KLRG2: variants seen among roughly 807,000 people sequenced by gnomAD.
The protein encoded by KLRG2 is killer cell lectin like receptor G2.
KLRG2 carries 39 observed loss-of-function variants against 35.4 expected under a neutral mutation model. That is an observed-to-expected ratio of 1.10 (90% CI 0.85 to 1.44). KLRG2 has a LOEUF of 1.44. Ranked by LOEUF, KLRG2 falls within the 40% of genes most tolerant of loss-of-function variation. KLRG2 has a pLI of 0.00. For synonymous variants in KLRG2, 283 were observed against 265.8 expected (o/e 1.06, Z -0.63); for missense variants, 632 against 570.9 (o/e 1.11, Z -1.09).
the KLRG2 span, among the ~76,000 whole-genome samples, chr7:139,429,538 G>A: frequency 1.3e-5 from 2 of 151,798 alleles, no homozygotes; most frequent in Non-Finnish European, 2.9e-5. Context: ...CAGTGTTTGT[G>A]TCCCTGGGTA....
chr7:139,470,318 G>A (rs547163695), intron 3 of KLRG2, among the ~76,000 whole-genome samples: 2 of 151,794 alleles, frequency 1.3e-5, no homozygotes, highest in East Asian at 1.9e-4. Flanking sequence ...TCAGCCTCCC[G>A]AATTGCTGGG....
downstream of KLRG2, among the ~76,000 whole-genome samples, chr7:139,449,914 G>C (rs1054798922): frequency 2.6e-5 from 4 of 150,970 alleles, no homozygotes; most frequent in African/African-American, 9.7e-5. Flanking sequence ...TGTTAGCCAG[G>C]ATGGTCTCGA....
chr7:139,454,302 C>A lies in KLRG2; in HGVS notation c.1006-88G>T, dbSNP rs1796423021. The A allele has an allele frequency of 7.2e-6, 5 of 695,380 alleles. No individual in the cohort carries two copies. The Admixed American group carries it at 1.3e-4, about 19-fold the overall frequency. The allele number at this position is 695,380 out of a possible 1,614,324, so 43.1% of individuals were successfully genotyped here. A position where few individuals can be genotyped will look rare whatever the true frequency, so the allele number is the denominator to read the frequency against. On this transcript the variant is annotated intron_variant, in intron 3 of 4. Coordinates refer to ENST00000340940, the MANE Select transcript of KLRG2 (RefSeq NM_198508.4). ...GGATTCCCTGGGGCTTCCACAGGATCCCAGCTGGCCAATCCAGAAGGATCT... is the reference window on the plus strand; with the variant it reads ...GGATTCCCTGGGGCTTCCACAGGATACCAGCTGGCCAATCCAGAAGGATCT...
chr7:139,431,608 C>A, the KLRG2 span, among the ~76,000 whole-genome samples: 1 of 152,178 alleles, frequency 6.6e-6, no homozygotes, highest in Non-Finnish European at 1.5e-5. Flanking sequence ...GGCCTGCGAT[C>A]CGCTAGGCCA....
downstream of KLRG2, among the ~76,000 whole-genome samples, chr7:139,452,035 C>T (rs923832393): frequency 1.5e-4 from 22 of 142,482 alleles, no homozygotes; most frequent in African/African-American, 5.8e-4. Context: ...GTGGCACAAT[C>T]TCGGCTCACT....
the KLRG2 span, among the ~76,000 whole-genome samples, chr7:139,431,470 CA>C: frequency 6.6e-6 from 1 of 151,060 alleles, no homozygotes; most frequent in Admixed American, 6.6e-5. Flanking sequence ...CAGGGTAGCT[CA>C]AAATGTGGCT....
rs1796444491 is a variant in KLRG2, at chr7:139,455,003, T to G, written c.1006-789A>C. Among the ~76,000 whole-genome samples the G allele has an allele frequency of 1.3e-5, 2 of 149,464 alleles. 1 individual carries two copies. Among genetic ancestry groups the G allele is most frequent in the African/African-American group, 5.1e-5 (2 of 39,576 alleles). On this transcript the variant is annotated intron_variant, in intron 3 of 4. Coordinates refer to ENST00000340940, the MANE Select transcript of KLRG2 (RefSeq NM_198508.4). The stretch of plus-strand genomic sequence containing the variant: ...ATGAATTAAAGCAAAAAAGACAATG[T>G]TTTAAAGTATATATTTAAGATTTTT...
chr7:139,437,020 G>C, the KLRG2 span, among the ~76,000 whole-genome samples: 1 of 152,164 alleles, frequency 6.6e-6, no homozygotes, highest in Admixed American at 6.6e-5. Context: ...GCTTGACAGG[G>C]GACGAAGAAC....
the KLRG2 span, among the ~76,000 whole-genome samples, chr7:139,428,933 A>G: frequency 6.6e-6 from 1 of 152,220 alleles, no homozygotes. Context: ...TCACTGTTAG[A>G]TCTAAGTAGA....
the KLRG2 span, among the ~76,000 whole-genome samples, chr7:139,445,793 G>GTATATATATATATGTATATATATATA: frequency 3.1e-5 from 3 of 95,580 alleles, no homozygotes; most frequent in Admixed American, 9.5e-5. Flanking sequence ...ATATATATAT[G>GTATATATATATATGTATATATATATA]TGTGTATATA....
chr7:139,435,928 G>T, the KLRG2 span, among the ~76,000 whole-genome samples: 3 of 150,864 alleles, frequency 2.0e-5, no homozygotes, highest in East Asian at 5.8e-4. Context: ...TTGAGATAGG[G>T]TCTTGCTCTG....
the KLRG2 span, among the ~76,000 whole-genome samples, chr7:139,434,820 T>C: frequency 1.3e-5 from 2 of 152,166 alleles, no homozygotes; most frequent in African/African-American, 4.8e-5. Flanking sequence ...GTTTGAGCCC[T>C]GAATCTGCCA....
chr7:139,483,208 C>T lies in KLRG2; in HGVS notation c.435G>A (p.Arg145=). ...GCACCTTGAGGAAGCGCGTGGAGGGCCTGGGCGATGGCGTGCTGCTGCCAC... is the reference window on the plus strand; with the variant it reads ...GCACCTTGAGGAAGCGCGTGGAGGGTCTGGGCGATGGCGTGCTGCTGCCAC... ...AAGGSSTPSP[R]PSTRFLKVPV... is the part of the protein sequence containing the mutation. Residue 145 remains arginine (R), a synonymous_variant, in exon 1 of 5, where the codon AGG becomes AGA. Coordinates refer to ENST00000340940, the MANE Select transcript of KLRG2 (RefSeq NM_198508.4). The T allele has an allele frequency of 6.5e-7, 1 of 1,526,814 alleles. No homozygotes were observed. The highest frequency in any genetic ancestry group is 8.7e-7 in the Non-Finnish European group (1 of 1,146,724). 94.6% of individuals were successfully genotyped at this position (1,526,814 alleles called of 1,614,324 possible). A position where few individuals can be genotyped will look rare whatever the true frequency, so the allele number is the denominator to read the frequency against.
At chr7:139,461,049 G>A (rs928906902) in intron 3 of KLRG2, among the ~76,000 whole-genome samples, 1 of 152,144 alleles carries the variant, frequency 6.6e-6, no homozygotes, top group Non-Finnish European at 1.5e-5. Context: ...ATCAACTGAG[G>A]TCAGGAGTTC....
the KLRG2 span, among the ~76,000 whole-genome samples, chr7:139,433,311 G>GT: frequency 4.5e-4 from 67 of 148,616 alleles, no homozygotes; most frequent in South Asian, 5.3e-3. Context: ...GTGGTGTGTG[G>GT]TTTTTTTTTT....
chr7:139,479,893 G>A, intron 2 of KLRG2, 121 bp from the exon 3 acceptor site: 1 of 1,196,558 alleles, frequency 8.4e-7, no homozygotes, highest in Non-Finnish European at 1.2e-6. Flanking sequence ...CAGGGCCCCA[G>A]GGAGCTTTTA....
chr7:139,430,024 C>G, the KLRG2 span, among the ~76,000 whole-genome samples: 1 of 152,210 alleles, frequency 6.6e-6, no homozygotes, highest in Admixed American at 6.5e-5. Flanking sequence ...TCTCTAAACA[C>G]TCTGAATCAG....
chr7:139,483,561 T>C lies in KLRG2; in HGVS notation c.82A>G (p.Thr28Ala). Residue 28 changes from threonine (T) to alanine (A), a missense_variant, in exon 1 of 5, where the codon ACG (threonine) becomes GCG (alanine). Coordinates refer to ENST00000340940, the MANE Select transcript of KLRG2 (RefSeq NM_198508.4). ...PMEPVGSLVP[T>A]LEQPQVPAKV... ...GCGGGCACCTGCGGCTGCTCCAGCG[T>C]GGGGACCAGGCTTCCCACGGGCTCC... is the stretch of plus-strand genomic sequence containing the variant. 6.3e-7 allele frequency: 1 copy of C among 1,598,514 alleles called. No homozygotes were observed. The highest frequency in any genetic ancestry group is 1.1e-5 in the South Asian group (1 of 90,530).
At chr7:139,434,601 T>A in the KLRG2 span, among the ~76,000 whole-genome samples, 2 of 152,206 alleles carry the variant, frequency 1.3e-5, no homozygotes, top group Non-Finnish European at 1.5e-5. Flanking sequence ...TCCTGTTTTT[T>A]AAAAGTATTT....
Sources: gnomAD v4.1 joint callset for allele counts (sites outside exome capture counted in the v4.1 genomes callset) on GRCh38, gnomAD v4.1.1 for gene constraint, MANE v1.5 for transcripts, NCBI Gene and HGNC (gene_info 2026-07-23, HGNC 2026-07-21) for gene names.